MBD4: variants seen among roughly 807,000 people sequenced by gnomAD.
The protein encoded by MBD4 is methyl-CpG binding domain 4, DNA glycosylase.
Under a neutral mutation model 60.2 loss-of-function variants are expected in MBD4, and 53 were observed. The observed-to-expected ratio is 0.88, with a 90% CI of 0.71 to 1.11. The LOEUF (loss-of-function observed/expected upper bound fraction) is 1.11. Ranked by LOEUF, MBD4 falls within the 50% of genes least tolerant of loss-of-function variation. The pLI is 0.00. For synonymous variants in MBD4, 231 were observed against 229.8 expected, an observed-to-expected ratio of 1.01 and a Z score of -0.05; for missense variants, 619 against 674.0, an observed-to-expected ratio of 0.92 and a Z score of 0.90.
At chr3:129,433,041 G>T in intron 6 of MBD4, 57 bp downstream of exon 6, 1 of 1,584,864 alleles carries the variant, frequency 6.3e-7, no homozygotes, top group Non-Finnish European at 8.7e-7. Context: ...TTAAGGTGTG[G>T]CTCTCTTAAA....
At position 129,439,940 on chromosome 3, in the gene MBD4, G is replaced by A. The variant is rs945464938; in HGVS notation, c.-107C>T. 5.9e-5 allele frequency: 51 copies of A among 870,604 alleles called. No homozygotes were observed. The highest frequency in any genetic ancestry group is 8.7e-5 in the Non-Finnish European group (46 of 530,408). The allele number at this position is 870,604 out of a possible 1,614,324, so 53.9% of individuals were successfully genotyped here. On this transcript the variant is annotated 5_prime_UTR_variant, in exon 1 of 8. Coordinates refer to ENST00000429544, the MANE Select transcript of MBD4 (RefSeq NM_001276270.2). Reference sequence around the variant, plus strand: ...GCTCACGGCACCGGGCTGCAACCGAGGTCTGAATGTTGCGAAAGCGCCCCA... The same window carrying A: ...GCTCACGGCACCGGGCTGCAACCGAAGTCTGAATGTTGCGAAAGCGCCCCA...
intron 7 of MBD4, 133 bp from the exon 8 acceptor site, chr3:129,431,711 T>G (rs1355359678): frequency 2.8e-6 from 2 of 712,428 alleles, no homozygotes; most frequent in South Asian, 1.5e-5. Flanking sequence ...GTTATAACCT[T>G]TAACCTCCTG....
rs563124064 is a variant in MBD4, at chr3:129,432,110, C to T, written c.1647+393G>A. 2.3e-5 allele frequency: 27 copies of T among 1,156,380 alleles called. No individual in the cohort carries two copies. The South Asian group carries it at 2.6e-4, about 11-fold the overall frequency. 71.6% of individuals were successfully genotyped at this position (1,156,380 alleles called of 1,614,324 possible). On this transcript the variant is annotated intron_variant, in intron 7 of 7. Coordinates refer to ENST00000429544, the MANE Select transcript of MBD4 (RefSeq NM_001276270.2). The stretch of plus-strand genomic sequence containing the variant: ...TGAAGCAGGACCCAGTCACCACAAA[C>T]GTAGTCTGAGACCACTAAGAGAAAC...
At chr3:129,438,353 A>G (rs2072534869) in intron 1 of MBD4, among the ~76,000 whole-genome samples, 1 of 152,218 alleles carries the variant, frequency 6.6e-6, no homozygotes, top group Non-Finnish European at 1.5e-5. Context: ...TAAATGAGGT[A>G]AAAGTTTTAC....
At position 129,439,794 on chromosome 3, in the gene MBD4, G is replaced by A. The variant is rs779533417; in HGVS notation, c.40C>T (p.Arg14Cys). 6.2e-6 allele frequency: 10 copies of A among 1,610,306 alleles called. No homozygotes were observed. Among genetic ancestry groups the A allele is most frequent in the Non-Finnish European group, 7.6e-6 (9 of 1,178,838 alleles). The stretch of plus-strand genomic sequence containing the variant: ...GAGGTGACGGTGGGGGCAGCTCCGC[G>A]GTCCCCCAGACTCAGACTCTCCAGC... ...TGLESLSLGD[R>C]GAAPTVTSSE... The change falls in exon 1 of 8, where the codon CGC becomes TGC. Residue 14 changes from arginine to cysteine, a missense_variant. Transcript: ENST00000429544.
In MBD4 at chr3:129,437,817, T is replaced by C; in HGVS notation, c.238A>G (p.Thr80Ala). The C allele has an allele frequency of 6.2e-7, 1 of 1,614,142 alleles. No homozygotes were observed. The highest frequency in any genetic ancestry group is 8.5e-7 in the Non-Finnish European group (1 of 1,179,966). The change falls in exon 2 of 8, where the codon ACA (threonine) becomes GCA (alanine). Residue 80 changes from threonine to alanine, a missense_variant. Thr to Ala is a moderately conservative substitution (Grantham distance 58). Coordinates refer to ENST00000429544, the MANE Select transcript of MBD4 (RefSeq NM_001276270.2). ...CATGGGACAGACTTACGGCATTCTG[T>C]TCCTGCAGTAGCACCAAACTGAGCA... Reference protein sequence around the residue: ...ASAQFGATAGTECRKSVPCGW... With the variant: ...ASAQFGATAGAECRKSVPCGW...
intron 7 of MBD4, chr3:129,432,254 G>C: frequency 2.8e-6 from 4 of 1,447,122 alleles, no homozygotes; most frequent in South Asian, 2.9e-5. Flanking sequence ...GACAGGAACA[G>C]GGCCAGAGGT....
chr3:129,433,711 T>A lies in MBD4; in HGVS notation c.1393+139A>T. The A allele has an allele frequency of 3.3e-6, 3 of 922,834 alleles. 1 individual carries two copies. The highest frequency in any genetic ancestry group is 5.2e-6 in the Non-Finnish European group (3 of 580,850). The allele number at this position is 922,834 out of a possible 1,614,324, so 57.2% of individuals were successfully genotyped here. Reference sequence around the variant, plus strand: ...TCATCCAGTCTCATTTCCTCATAGGTGAAGAGTTTAAGGGTGAAGGGGGAA... The same window carrying A: ...TCATCCAGTCTCATTTCCTCATAGGAGAAGAGTTTAAGGGTGAAGGGGGAA... On this transcript the variant is annotated intron_variant, in intron 5 of 7. Transcript: ENST00000429544.
chr3:129,432,260 G>C, intron 7 of MBD4: 2 of 1,453,828 alleles, frequency 1.4e-6, no homozygotes, highest in Non-Finnish European at 1.8e-6. Context: ...AACAGGGCCA[G>C]AGGTGACAAA....
chr3:129,437,831 C>T lies in MBD4; in HGVS notation c.224G>A (p.Gly75Asp). 2 of 1,614,008 alleles carry T rather than the reference C, an allele frequency of 1.2e-6. No individual in the cohort carries two copies. Among genetic ancestry groups the T allele is most frequent in the South Asian group, 1.1e-5 (1 of 91,080 alleles). Residue 75 changes from glycine (G) to aspartate (D), a missense_variant, in exon 2 of 8, where the codon GGT (glycine) becomes GAT (aspartate). Physicochemically the swap from Gly to Asp is moderately conservative, Grantham distance 94. Coordinates refer to ENST00000429544, the MANE Select transcript of MBD4 (RefSeq NM_001276270.2). ...ACGGCATTCTGTTCCTGCAGTAGCACCAAACTGAGCAGAAGCGATGGGTTC... is the reference window on the plus strand; with the variant it reads ...ACGGCATTCTGTTCCTGCAGTAGCATCAAACTGAGCAGAAGCGATGGGTTC... ...LQEPIASAQF[G>D]ATAGTECRKS...
chr3:129,438,695 CAA>C (rs2072567342), intron 1 of MBD4, among the ~76,000 whole-genome samples: 1 of 150,308 alleles, frequency 6.7e-6, no homozygotes, highest in South Asian at 2.1e-4. Context: ...CACCTGATCC[CAA>C]GAGTTTGAGA....
intron 6 of MBD4, 131 bp from the exon 7 acceptor site, chr3:129,432,737 GT>G: frequency 1.2e-6 from 1 of 860,890 alleles, no homozygotes; most frequent in Non-Finnish European, 1.9e-6. Context: ...AACCCCAGTT[GT>G]GATTACTCTT....
chr3:129,436,993 A>G lies in MBD4; in HGVS notation c.651T>C (p.Asp217=), dbSNP rs201331346. 8.1e-6 allele frequency: 13 copies of G among 1,614,182 alleles called. No homozygotes were observed. The highest frequency in any genetic ancestry group is 1.1e-5 in the Non-Finnish European group (13 of 1,180,038). The change falls in exon 3 of 8, where the codon GAT becomes GAC. Residue 217 remains aspartate (D), a synonymous_variant. Transcript: ENST00000429544. ...TGAAGTTAACATCATCAACACCCTC[A>G]TCTTCTTTCAAAAGCAAATGAGTGG... ...FTSTHLLLKE[D]EGVDDVNFRK...
chr3:129,431,235 CTGATTA>C lies in MBD4; in HGVS notation c.*260_*265del, dbSNP rs1346906080. 2.4e-6 allele frequency: 1 copy of C among 414,806 alleles called. No individual in the cohort carries two copies. Among genetic ancestry groups the C allele is most frequent in the Non-Finnish European group, 4.4e-6 (1 of 228,644 alleles). 25.7% of individuals were successfully genotyped at this position (414,806 alleles called of 1,614,324 possible). The stretch of plus-strand genomic sequence containing the variant: ...ATAGTTTAGAACTATTTTTCATCTT[CTGATTA>C]TATTTCATCATTGGAAAAGCCGTAT... On this transcript the variant is annotated 3_prime_UTR_variant, in exon 8 of 8. Transcript: ENST00000429544.
Position 129,434,153 on chromosome 3 carries a change from A to T in MBD4, c.1184-17T>A, listed in dbSNP as rs775070859. On this transcript the variant is annotated splice_polypyrimidine_tract_variant and intron_variant, in intron 3 of 7. Coordinates refer to ENST00000429544, the MANE Select transcript of MBD4 (RefSeq NM_001276270.2). The stretch of plus-strand genomic sequence containing the variant: ...TGGTATCTTCTGAAAAGGAAAAGTA[A>T]ACACTTTATGGAGTCTATGGTTTAG... 11 of 1,596,962 alleles carry T rather than the reference A, an allele frequency of 6.9e-6. No homozygotes were observed. The highest frequency in any genetic ancestry group is 9.4e-6 in the Non-Finnish European group (11 of 1,164,548).
intron 3 of MBD4, among the ~76,000 whole-genome samples, chr3:129,434,489 T>C (rs1397613868): frequency 6.6e-6 from 1 of 152,226 alleles, no homozygotes; most frequent in Non-Finnish European, 1.5e-5. Flanking sequence ...GTTTATAGTA[T>C]TGAAAAATTA....
chr3:129,432,579 T>C lies in MBD4; in HGVS notation c.1571A>G (p.Tyr524Cys), dbSNP rs755989454. The C allele has an allele frequency of 6.2e-7, 1 of 1,614,210 alleles. No individual in the cohort carries two copies. The highest frequency in any genetic ancestry group is 8.5e-7 in the Non-Finnish European group (1 of 1,180,036). ...ACCAATCCCATGAAGCTCAATTGGA[T>C]ACTTCCACTGCTTTGTCAGGTATTC... ...SDEYLTKQWK[Y>C]PIELHGIGKY... Residue 524 changes from tyrosine to cysteine, a missense_variant, in exon 7 of 8, where the codon TAT becomes TGT. Transcript: ENST00000429544.
Position 129,432,328 on chromosome 3 carries a change from G to A in MBD4, c.1647+175C>T, listed in dbSNP as rs186649733. 8.7e-5 allele frequency: 131 copies of A among 1,512,052 alleles called. 1 individual carries two copies. Among genetic ancestry groups the A allele is most frequent in the South Asian group, 2.8e-4 (22 of 79,506 alleles). The allele number at this position is 1,512,052 out of a possible 1,614,324, so 93.7% of individuals were successfully genotyped here. On this transcript the variant is annotated intron_variant, in intron 7 of 7. Coordinates refer to ENST00000429544, the MANE Select transcript of MBD4 (RefSeq NM_001276270.2). ...GACTGGTCTTTGTGGACTTGGGAGCGCCTACTGATCAAAAACCCCAAAACC... is the reference window on the plus strand; with the variant it reads ...GACTGGTCTTTGTGGACTTGGGAGCACCTACTGATCAAAAACCCCAAAACC...
rs1188109970 is a variant in MBD4, at chr3:129,436,451, A to G, written c.1183+10T>C. The G allele has an allele frequency of 1.2e-6, 2 of 1,613,652 alleles. No homozygotes were observed. Among genetic ancestry groups the G allele is most frequent in the African/African-American group, 1.3e-5 (1 of 74,892 alleles). On this transcript the variant is annotated intron_variant, in intron 3 of 7. Transcript: ENST00000429544. The stretch of plus-strand genomic sequence containing the variant: ...TTGAAAGCACTGGATACCTTGAAAT[A>G]TTTTCTCACCAGTGAAGTCTTTCCT...
Sources: gnomAD v4.1 joint callset for allele counts (sites outside exome capture counted in the v4.1 genomes callset) on GRCh38, gnomAD v4.1.1 for gene constraint, MANE v1.5 for transcripts, NCBI Gene and HGNC (gene_info 2026-07-23, HGNC 2026-07-21) for gene names.